CTNNBL1: variants seen among roughly 807,000 people sequenced by gnomAD.
CTNNBL1 encodes catenin beta like 1, also known as beta-catenin-like protein 1.
In CTNNBL1, 31 loss-of-function variants were observed where a neutral mutation model predicts 72.7. That is an observed-to-expected ratio of 0.43 (90% CI 0.32 to 0.58). The LOEUF (loss-of-function observed/expected upper bound fraction) is 0.58. Ranked by LOEUF, CTNNBL1 falls within the 20% of genes least tolerant of loss-of-function variation. The pLI is 0.08. For synonymous variants in CTNNBL1, 240 were observed against 267.3 expected (o/e 0.90, Z 1.00); for missense variants, 534 against 725.1 (o/e 0.74, Z 3.03).
At chr20:37,700,372 G>T (rs2072829916) in intron 1 of CTNNBL1, among the ~76,000 whole-genome samples, 1 of 152,092 alleles carries the variant, frequency 6.6e-6, no homozygotes, top group Non-Finnish European at 1.5e-5. Flanking sequence ...CATTTTTTGG[G>T]TGCTTACTAC....
At chr20:37,849,474 C>A (rs961276202) in intron 13 of CTNNBL1, among the ~76,000 whole-genome samples, 1 of 152,234 alleles carries the variant, frequency 6.6e-6, no homozygotes, top group African/African-American at 2.4e-5. Context: ...CTTTCTCAAA[C>A]CTTCTAGACA....
intron 11 of CTNNBL1, among the ~76,000 whole-genome samples, chr20:37,828,080 T>C (rs539749372): frequency 4.1e-4 from 63 of 152,342 alleles, no homozygotes; most frequent in African/African-American, 1.5e-3. Flanking sequence ...TTTTTATACA[T>C]ACGTACCTCT....
intron 6 of CTNNBL1, 32 bp from the exon 7 acceptor site, chr20:37,767,921 C>G: frequency 6.3e-7 from 1 of 1,580,876 alleles, no homozygotes; most frequent in Non-Finnish European, 8.7e-7. Flanking sequence ...CAAAGTTGTC[C>G]TCCCAAATGA....
intron 13 of CTNNBL1, 97 bp downstream of exon 13, chr20:37,842,516 C>A: frequency 1.2e-6 from 1 of 805,924 alleles, no homozygotes; most frequent in Non-Finnish European, 2.2e-6. Context: ...GTAAGGGCAG[C>A]AGTGCCATCT....
intron 2 of CTNNBL1, among the ~76,000 whole-genome samples, chr20:37,736,582 C>A (rs1034444926): frequency 3.3e-5 from 5 of 152,062 alleles, no homozygotes; most frequent in Non-Finnish European, 7.3e-5. Context: ...CCTCTCTCAC[C>A]CAGGCCGGAG....
chr20:37,746,631 G>A (rs1880232321), intron 4 of CTNNBL1, 24 bp downstream of exon 4: 2 of 1,613,778 alleles, frequency 1.2e-6, no homozygotes, highest in Non-Finnish European at 8.5e-7. Context: ...TCTGACCTCA[G>A]TAGGAGAGCT....
chr20:37,812,828 G>T (rs1374334853), intron 11 of CTNNBL1, among the ~76,000 whole-genome samples: 1 of 152,216 alleles, frequency 6.6e-6, no homozygotes, highest in East Asian at 1.9e-4. Flanking sequence ...CTGCATTTAT[G>T]TTACAAGGTA....
chr20:37,739,121 T>A (rs958487823), intron 3 of CTNNBL1, among the ~76,000 whole-genome samples: 5 of 150,664 alleles, frequency 3.3e-5, no homozygotes, highest in African/African-American at 1.2e-4. Context: ...TGTGTGTAAT[T>A]ACACAAGTAA....
chr20:37,830,319 C>G (rs2072196815), intron 11 of CTNNBL1, among the ~76,000 whole-genome samples: 1 of 152,154 alleles, frequency 6.6e-6, no homozygotes, highest in Non-Finnish European at 1.5e-5. Flanking sequence ...TTGTAGGATT[C>G]TTATACCTAT....
At chr20:37,859,858 C>G in intron 13 of CTNNBL1, 41 bp from the exon 14 acceptor site, 1 of 1,604,610 alleles carries the variant, frequency 6.2e-7, no homozygotes, top group Middle Eastern at 1.7e-4. Flanking sequence ...TCCTCCCATT[C>G]ACTGTCCAGC....
chr20:37,823,384 G>A (rs1196569644), intron 11 of CTNNBL1, among the ~76,000 whole-genome samples: 1 of 152,196 alleles, frequency 6.6e-6, no homozygotes, highest in African/African-American at 2.4e-5. Context: ...ACATAAGGCC[G>A]CCTTGGGTCT....
chr20:37,799,587 C>T (rs965232634), intron 10 of CTNNBL1, among the ~76,000 whole-genome samples: 1 of 152,208 alleles, frequency 6.6e-6, no homozygotes, highest in Non-Finnish European at 1.5e-5. Context: ...ATTATCTCCT[C>T]TTCTCATCAT....
intron 10 of CTNNBL1, among the ~76,000 whole-genome samples, chr20:37,785,877 C>G (rs1164244412): frequency 1.3e-5 from 2 of 152,098 alleles, no homozygotes; most frequent in Non-Finnish European, 2.9e-5. Flanking sequence ...TTGTATTCAT[C>G]CTTCTTGGGA....
chr20:37,759,708 A>G (rs1274751888), intron 5 of CTNNBL1, among the ~76,000 whole-genome samples: 1 of 152,196 alleles, frequency 6.6e-6, no homozygotes, highest in African/African-American at 2.4e-5. Context: ...ACAAGCATTG[A>G]ACATTCCTGG....
In CTNNBL1 at chr20:37,746,495, T is replaced by C; in HGVS notation, c.354T>C (p.Asn118=). 1 of 1,614,042 alleles carries C rather than the reference T, an allele frequency of 6.2e-7. No homozygotes were observed. Among genetic ancestry groups the C allele is most frequent in the African/African-American group, 1.3e-5 (1 of 75,062 alleles). ...TCATGGAATCCGAGCTGGACCTAAATGACATCATTCAGGAGATGCACGTGG... is the reference window on the plus strand; with the variant it reads ...TCATGGAATCCGAGCTGGACCTAAACGACATCATTCAGGAGATGCACGTGG... ...EKFMESELDL[N]DIIQEMHVVA... is the part of the protein sequence containing the mutation. The change falls in exon 4 of 16, where the codon AAT becomes AAC. Residue 118 remains asparagine, a synonymous_variant. Coordinates refer to ENST00000361383, the MANE Select transcript of CTNNBL1 (RefSeq NM_030877.5).
At chr20:37,803,856 G>A (rs1415957917) in intron 11 of CTNNBL1, among the ~76,000 whole-genome samples, 1 of 152,086 alleles carries the variant, frequency 6.6e-6, no homozygotes, top group East Asian at 1.9e-4. Context: ...CCATGGTTTA[G>A]GAGGCTTTTT....
chr20:37,777,957 A>G (rs1249964127), intron 9 of CTNNBL1, among the ~76,000 whole-genome samples: 3 of 152,138 alleles, frequency 2.0e-5, no homozygotes, highest in Non-Finnish European at 4.4e-5. Flanking sequence ...GATATTGTCA[A>G]CTCAAAAAAG....
At chr20:37,755,398 A>G (rs1467000995) in intron 4 of CTNNBL1, among the ~76,000 whole-genome samples, 3 of 152,192 alleles carry the variant, frequency 2.0e-5, no homozygotes, top group East Asian at 1.9e-4. Context: ...TTTACTCTGT[A>G]TCAGGCATAT....
intron 1 of CTNNBL1, among the ~76,000 whole-genome samples, chr20:37,717,610 C>CTTTTTTTT (rs199726420): frequency 1.4e-5 from 2 of 146,172 alleles, no homozygotes. Flanking sequence ...TTTCTTTTTT[C>CTTTTTTTT]TTTTCTTTTT....
Sources: allele counts gnomAD v4.1 joint callset (sites outside exome capture counted in the v4.1 genomes callset), GRCh38; gene constraint gnomAD v4.1.1; transcripts MANE v1.5; gene names NCBI Gene and HGNC (gene_info 2026-07-23, HGNC 2026-07-21).